LRP1B: variants seen among roughly 807,000 people sequenced by gnomAD.
LRP1B encodes LDL receptor related protein 1B.
In LRP1B, 217 loss-of-function variants were observed where a neutral mutation model predicts 556.6. That is an observed-to-expected ratio of 0.39 (90% CI 0.35 to 0.44). The LOEUF (loss-of-function observed/expected upper bound fraction) is 0.44. LRP1B is among the 20% of genes least tolerant of loss of function. The pLI is 1.00. For synonymous variants in LRP1B, 2,047 were observed against 1,865.8 expected (o/e 1.10, Z -2.50); for missense variants, 5,053 against 5,620.8 (o/e 0.90, Z 3.23).
chr2:140,872,360 A>ATTTTTTTT (rs59469282), intron 25 of LRP1B, among the ~76,000 whole-genome samples: 2,969 of 60,388 alleles, frequency 0.049, 340 homozygotes, highest in African/African-American at 0.057. Context: ...GTGTCACCTG[A>ATTTTTTTT]TTTTTTTTTT....
chr2:140,936,049 A>G (rs1242204297), intron 20 of LRP1B, among the ~76,000 whole-genome samples: 1 of 151,748 alleles, frequency 6.6e-6, no homozygotes, highest in African/African-American at 2.4e-5. Flanking sequence ...AAAAGAAAAA[A>G]AAAAACTTGC....
At chr2:142,128,878 T>C (rs1304667289) in intron 1 of LRP1B, among the ~76,000 whole-genome samples, 2 of 152,190 alleles carry the variant, frequency 1.3e-5, no homozygotes, top group East Asian at 3.8e-4. Context: ...AAGAAAGTTG[T>C]GGGGTCTGTA....
intron 15 of LRP1B, among the ~76,000 whole-genome samples, chr2:140,999,920 A>T (rs923846895): frequency 1.1e-4 from 17 of 151,802 alleles, no homozygotes; most frequent in Admixed American, 4.6e-4. Context: ...TTATGTATTT[A>T]TTTATTTTTG....
At chr2:141,774,391 A>AG (rs1422661473) in intron 2 of LRP1B, among the ~76,000 whole-genome samples, 11 of 152,010 alleles carry the variant, frequency 7.2e-5, no homozygotes, top group African/African-American at 2.7e-4. Context: ...GAGAGAGGGG[A>AG]GGTCCCAGAC....
chr2:141,818,313 A>T (rs1362477910), intron 1 of LRP1B, among the ~76,000 whole-genome samples: 1 of 152,198 alleles, frequency 6.6e-6, no homozygotes, highest in Non-Finnish European at 1.5e-5. Flanking sequence ...ATCAAGAAGT[A>T]CCTTAATCCC....
At chr2:140,856,236 T>C (rs1692613825) in intron 27 of LRP1B, among the ~76,000 whole-genome samples, 1 of 152,228 alleles carries the variant, frequency 6.6e-6, no homozygotes, top group South Asian at 2.1e-4. Context: ...TTTCTTCCCC[T>C]AGAATTTCAT....
chr2:141,465,760 G>A (rs1316248680), intron 3 of LRP1B, among the ~76,000 whole-genome samples: 1 of 152,020 alleles, frequency 6.6e-6, no homozygotes, highest in South Asian at 2.1e-4. Context: ...ATGTTTTCCA[G>A]GTCTCGAACT....
chr2:140,623,956 G>GTATATATATAGATATATATATATATA (rs1683555498), intron 41 of LRP1B, among the ~76,000 whole-genome samples: 1 of 106,436 alleles, frequency 9.4e-6, no homozygotes, highest in Non-Finnish European at 1.9e-5. Context: ...TTTTATTTAT[G>GTATATATATAGATATATATATATATA]TATATATATA....
At chr2:140,640,557 G>A (rs1055132298) in intron 41 of LRP1B, among the ~76,000 whole-genome samples, 30 of 149,400 alleles carry the variant, frequency 2.0e-4, no homozygotes, top group African/African-American at 5.7e-4. Context: ...CACCATGCCC[G>A]GCTAATTTTT....
chr2:140,440,587 A>C (rs1361990731), intron 66 of LRP1B, among the ~76,000 whole-genome samples: 1 of 152,200 alleles, frequency 6.6e-6, no homozygotes, highest in Non-Finnish European at 1.5e-5. Context: ...AGAGAAGGGA[A>C]CAAAGTGGCC....
At chr2:140,750,712 G>A (rs779528997) in intron 35 of LRP1B, among the ~76,000 whole-genome samples, 1 of 152,134 alleles carries the variant, frequency 6.6e-6, no homozygotes, top group Non-Finnish European at 1.5e-5. Context: ...TGACTACAGT[G>A]ACATGAATTC....
intron 1 of LRP1B, among the ~76,000 whole-genome samples, chr2:141,901,567 A>T (rs1217941843): frequency 6.6e-6 from 1 of 151,962 alleles, no homozygotes; most frequent in Non-Finnish European, 1.5e-5. Flanking sequence ...TTCTTTATAC[A>T]TAATACATTT....
rs1035268529 is a variant in LRP1B at position 141,010,681 on chromosome 2, A to T, written c.2380+2875T>A. Reference sequence around the variant, plus strand: ...AGTCTCCTGCCACCACCCCTGGCTAATTTTTGTATTTTTAGTAGTGACAGG... The same window carrying T: ...AGTCTCCTGCCACCACCCCTGGCTATTTTTTGTATTTTTAGTAGTGACAGG... On this transcript the variant is annotated intron_variant, in intron 14 of 90. Transcript: ENST00000389484. 4.0e-5 allele frequency among the ~76,000 whole-genome samples: 6 copies of T among 151,824 alleles called. No homozygotes were observed. In the East Asian group the frequency reaches 1.2e-3, roughly 30 times the overall value.
chr2:140,322,538 T>C (rs998754220), intron 81 of LRP1B, among the ~76,000 whole-genome samples: 22 of 152,162 alleles, frequency 1.4e-4, no homozygotes, highest in African/African-American at 5.1e-4. Flanking sequence ...TATTTATTAA[T>C]AAAAAGGATG....
At chr2:141,283,784 C>A (rs745578937) in intron 3 of LRP1B, among the ~76,000 whole-genome samples, 1 of 148,298 alleles carries the variant, frequency 6.7e-6, no homozygotes, top group African/African-American at 2.5e-5. Context: ...TTAGTAGAGA[C>A]GTGGTTTCAC....
intron 5 of LRP1B, among the ~76,000 whole-genome samples, chr2:141,230,574 AC>A (rs1038653547): frequency 2.0e-5 from 3 of 152,154 alleles, no homozygotes; most frequent in Non-Finnish European, 4.4e-5. Context: ...ATTAAACTCT[AC>A]CTGATCTGTA....
chr2:140,346,166 A>C (rs1471443160), intron 77 of LRP1B, among the ~76,000 whole-genome samples: 1 of 151,794 alleles, frequency 6.6e-6, no homozygotes, highest in African/African-American at 2.4e-5. Flanking sequence ...AGTAACAAGT[A>C]GGCTTTAAAT....
chr2:140,593,289 CT>C (rs1682301497), intron 43 of LRP1B, among the ~76,000 whole-genome samples: 2 of 152,092 alleles, frequency 1.3e-5, no homozygotes, highest in African/African-American at 4.8e-5. Flanking sequence ...ATAAATATCT[CT>C]TTTGGAAAGG....
At chr2:142,014,176 C>T (rs1301879689) in intron 1 of LRP1B, among the ~76,000 whole-genome samples, 3 of 152,058 alleles carry the variant, frequency 2.0e-5, no homozygotes, top group African/African-American at 7.3e-5. Flanking sequence ...CACCACTTCG[C>T]TTTCTTAATA....
Sources: gnomAD v4.1 joint callset for allele counts (sites outside exome capture counted in the v4.1 genomes callset) on GRCh38, gnomAD v4.1.1 for gene constraint, MANE v1.5 for transcripts, NCBI Gene and HGNC (gene_info 2026-07-23, HGNC 2026-07-21) for gene names.